The following DDX1 variants were observed in gnomAD, a reference collection of about 807,000 sequenced individuals.
DDX1 encodes ATP-dependent RNA helicase DDX1.
A neutral mutation model predicts 108.7 loss-of-function variants in DDX1; 28 were observed. The observed-to-expected ratio is 0.26, with a 90% CI of 0.19 to 0.35. The LOEUF (loss-of-function observed/expected upper bound fraction) is 0.35, where lower values mean the gene tolerates loss of function less well. DDX1 is among the 10% of genes least tolerant of loss of function. DDX1 has a pLI of 1.00. For synonymous variants in DDX1, 295 were observed against 288.9 expected, an observed-to-expected ratio of 1.02 and a Z score of -0.21; for missense variants, 710 against 884.5, an observed-to-expected ratio of 0.80 and a Z score of 2.50.
At chr2:15,599,643 A>T in intron 5 of DDX1, 26 bp from the exon 6 acceptor site, 5 of 1,574,052 alleles carry the variant, frequency 3.2e-6, no homozygotes, top group Non-Finnish European at 4.3e-6. Context: ...ATCTGTGGGT[A>T]ACTTTTCTTA....
At position 15,607,168 on chromosome 2, in the gene DDX1, C is replaced by T; in HGVS notation, c.818-7C>T. 6.2e-7 allele frequency: 1 copy of T among 1,612,824 alleles called. No homozygotes were observed. Among genetic ancestry groups the T allele is most frequent in the Non-Finnish European group, 8.5e-7 (1 of 1,179,316 alleles). Reference sequence around the variant, plus strand: ...TGAATGTGTTCTCATCTTTTTTATTCCCTAAGGTAATGCACAGGTGACACA... The same window carrying T: ...TGAATGTGTTCTCATCTTTTTTATTTCCTAAGGTAATGCACAGGTGACACA... On this transcript the variant is annotated splice_polypyrimidine_tract_variant and splice_region_variant and intron_variant, in intron 12 of 25. Coordinates refer to ENST00000233084, the MANE Select transcript of DDX1 (RefSeq NM_004939.3).
intron 1 of DDX1, among the ~76,000 whole-genome samples, 159 bp from the exon 2 acceptor site, chr2:15,594,986 C>G (rs1558449861): frequency 6.6e-6 from 1 of 152,202 alleles, no homozygotes; most frequent in Non-Finnish European, 1.5e-5. Flanking sequence ...AGGTCTTTCT[C>G]CAGAACTTGT....
rs1372562317 is a variant in DDX1 at position 15,603,863 on chromosome 2, TAACA to T, written c.531_534del (p.Lys177AsnfsTer21). ...TTGGTGGAACAGGAAAGAAATCCCA[TAACA>T]AACAATTTGATAATTATGGAGAGGT... On this transcript the variant is annotated frameshift_variant, in exon 9 of 26. Coordinates refer to ENST00000233084, the MANE Select transcript of DDX1 (RefSeq NM_004939.3). LOFTEE classifies it high-confidence loss of function. 2.5e-6 allele frequency: 4 copies of T among 1,611,864 alleles called. No homozygotes were observed. Among genetic ancestry groups the T allele is most frequent in the Non-Finnish European group, 3.4e-6 (4 of 1,178,818 alleles).
At chr2:15,597,954 C>G (rs984099878) in intron 5 of DDX1, among the ~76,000 whole-genome samples, 1 of 152,012 alleles carries the variant, frequency 6.6e-6, no homozygotes, top group African/African-American at 2.4e-5. Flanking sequence ...TTCTTATGTG[C>G]AGTCCTATCT....
chr2:15,604,196 CATG>C (rs1665629625), intron 9 of DDX1, among the ~76,000 whole-genome samples: 1 of 152,104 alleles, frequency 6.6e-6, no homozygotes, highest in South Asian at 2.1e-4. Flanking sequence ...TATTATTGAT[CATG>C]ATGAGTCTAA....
chr2:15,612,822 C>T (rs1665799208), intron 13 of DDX1, among the ~76,000 whole-genome samples: 1 of 152,188 alleles, frequency 6.6e-6, no homozygotes, highest in Non-Finnish European at 1.5e-5. Context: ...CCGGCCAACA[C>T]AGCGAAACCC....
chr2:15,618,593 G>A (rs967543138), intron 16 of DDX1, among the ~76,000 whole-genome samples: 5 of 152,246 alleles, frequency 3.3e-5, no homozygotes, highest in African/African-American at 9.6e-5. Flanking sequence ...CATGGGCACC[G>A]GCTCTCTGTG....
intron 25 of DDX1, among the ~76,000 whole-genome samples, chr2:15,630,391 CA>C (rs961151631): frequency 2.6e-5 from 4 of 152,114 alleles, no homozygotes; most frequent in Non-Finnish European, 4.4e-5. Context: ...TAGTAGGAAA[CA>C]AGAGCATAAT....
intron 13 of DDX1, among the ~76,000 whole-genome samples, chr2:15,611,491 G>A (rs1162225887): frequency 1.4e-5 from 2 of 144,676 alleles, no homozygotes; most frequent in Admixed American, 6.8e-5. Context: ...CCTCCCGGAC[G>A]GGGCGGCTGG....
intron 19 of DDX1, among the ~76,000 whole-genome samples, chr2:15,626,471 CTT>C (rs1441071783): frequency 1.3e-5 from 2 of 152,102 alleles, no homozygotes; most frequent in Non-Finnish European, 2.9e-5. Flanking sequence ...AGTGGTTACT[CTT>C]TTTGTTACTG....
At chr2:15,596,193 A>G (rs181013455) in intron 3 of DDX1, among the ~76,000 whole-genome samples, 4 of 152,292 alleles carry the variant, frequency 2.6e-5, no homozygotes, top group African/African-American at 7.2e-5. Flanking sequence ...GCAAGGGAAG[A>G]TAAAAGAGAA....
At position 15,617,310 on chromosome 2, in the gene DDX1, T is replaced by C. The variant is rs376584969; in HGVS notation, c.1084T>C (p.Ser362Pro). Reference protein sequence around the residue: ...DLVSTGKLNLSQVRFLVLDEA... With the variant: ...DLVSTGKLNLPQVRFLVLDEA... ...GGTGTCAACTGGAAAGCTGAACTTA[T>C]CTCAAGTTAGATTCCTGGTCCTGGA... Residue 362 changes from serine (S) to proline (P), a missense_variant, in exon 15 of 26, where the codon TCT (serine) becomes CCT (proline). Around this residue, in one of 3 missense-constraint regions of DDX1, gnomAD observed 661 missense variants for 810.2 expected, o/e 0.82. Coordinates refer to ENST00000233084, the MANE Select transcript of DDX1 (RefSeq NM_004939.3). 31 of 1,598,116 alleles carry C rather than the reference T, an allele frequency of 1.9e-5. No individual in the cohort carries two copies. Among genetic ancestry groups the C allele is most frequent in the Non-Finnish European group, 2.6e-5 (31 of 1,170,446 alleles).
chr2:15,621,184 G>A, intron 18 of DDX1, 68 bp downstream of exon 18: 1 of 1,117,008 alleles, frequency 9.0e-7, no homozygotes, highest in Non-Finnish European at 1.3e-6. Context: ...CTATTCTCAT[G>A]AAGGATGTGA....
chr2:15,595,379 T>C, intron 2 of DDX1, 111 bp from the exon 3 acceptor site: 1 of 956,672 alleles, frequency 1.0e-6, no homozygotes, highest in Non-Finnish European at 1.6e-6. Flanking sequence ...TGGAATAAGA[T>C]GGATCGTATT....
intron 13 of DDX1, among the ~76,000 whole-genome samples, chr2:15,612,128 G>T (rs1439356382): frequency 6.9e-5 from 10 of 145,118 alleles, no homozygotes; most frequent in Non-Finnish European, 1.5e-4. Context: ...GCGGCTGGCC[G>T]GGCGGGGGGC....
intron 3 of DDX1, 106 bp from the exon 4 acceptor site, chr2:15,596,627 TA>T: frequency 1.0e-6 from 1 of 964,264 alleles, no homozygotes; most frequent in Non-Finnish European, 1.6e-6. Context: ...ACTGTGAAAA[TA>T]AAGGTAGCCA....
chr2:15,623,436 A>C lies in DDX1; in HGVS notation c.1448A>C (p.Glu483Ala). 1 of 1,612,998 alleles carries C rather than the reference A, an allele frequency of 6.2e-7. No homozygotes were observed. The highest frequency in any genetic ancestry group is 8.5e-7 in the Non-Finnish European group (1 of 1,179,410). Reference protein sequence around the residue: ...DNTRPGANSPEMWSEAIKILK... With the variant: ...DNTRPGANSPAMWSEAIKILK... ...TTTTGTTGTTGTTATGATATTCAAG[A>C]GATGTGGTCTGAAGCTATTAAAATC... The change falls in exon 19 of 26, where the codon GAG (glutamate) becomes GCG (alanine). Residue 483 changes from glutamate (E) to alanine (A), a missense_variant and splice_region_variant. By Grantham distance (107) the Glu-to-Ala change is moderately radical. Transcript: ENST00000233084.
rs10165091 is a variant in DDX1 at position 15,591,945 on chromosome 2, C to T, written c.12C>T (p.Phe4=). Residue 4 remains phenylalanine (F), a synonymous_variant, in exon 1 of 26, where the codon TTC becomes TTT. Coordinates refer to ENST00000233084, the MANE Select transcript of DDX1 (RefSeq NM_004939.3). ...AGGACGGGGTGAAGATGGCGGCCTT[C>T]TCCGGTGCGTTTGTGGAAACTCTGG... The part of the protein sequence containing the change: MAA[F]SEMGVMPEIA... 1.5e-5 allele frequency: 21 copies of T among 1,435,132 alleles called. No individual in the cohort carries two copies. Among genetic ancestry groups the T allele is most frequent in the Non-Finnish European group, 1.8e-5 (20 of 1,093,236 alleles). The allele number at this position is 1,435,132 out of a possible 1,614,324, so 88.9% of individuals were successfully genotyped here.
intron 5 of DDX1, among the ~76,000 whole-genome samples, chr2:15,598,211 T>C (rs544712850): frequency 1.3e-5 from 2 of 152,318 alleles, no homozygotes; most frequent in Non-Finnish European, 2.9e-5. Context: ...GAACCTGTCA[T>C]ATTAACATAT....
Sources: gnomAD v4.1 joint callset for allele counts (sites outside exome capture counted in the v4.1 genomes callset) on GRCh38, gnomAD v4.1.1 for gene constraint, gnomAD v4.1.1 regional missense constraint, MANE v1.5 for transcripts, NCBI Gene and HGNC (gene_info 2026-07-23, HGNC 2026-07-21) for gene names.